Variants in TEX36 observed in about 807,000 individuals in gnomAD.
TEX36 encodes the protein testis expressed 36, also known as testis-expressed protein 36.
A neutral mutation model predicts 13.6 loss-of-function variants in TEX36; 12 were observed. That is an observed-to-expected ratio of 0.88 (90% CI 0.56 to 1.43). The LOEUF (loss-of-function observed/expected upper bound fraction) is 1.43, where lower values mean the gene tolerates loss of function less well. Among genes scored for constraint, TEX36 ranks in the 40% most tolerant of loss-of-function variants. The pLI is 0.00. For synonymous variants in TEX36, 93 were observed against 83.0 expected (o/e 1.12, Z -0.65); for missense variants, 224 against 228.3 (o/e 0.98, Z 0.12).
At chr10:125,660,781 A>G (rs1212347069) in intron 3 of TEX36, among the ~76,000 whole-genome samples, 1 of 152,226 alleles carries the variant, frequency 6.6e-6, no homozygotes, top group Non-Finnish European at 1.5e-5. Flanking sequence ...AGGCACTTGC[A>G]GAAGGATGAA....
At position 125,661,091 on chromosome 10, in the gene TEX36, T is replaced by C. The variant is rs12779893; in HGVS notation, c.194A>G (p.Asn65Ser). ...ATGCACGGAGAAGGGGAACTGGTTA[T>C]TCACTGCTTGCTGGAAAAGTGGGAT... ...IYKVREKQAV[N>S]NQFPFSVHDN... is the part of the protein sequence containing the mutation. Residue 65 changes from asparagine to serine, a missense_variant, in exon 3 of 4, where the codon AAT becomes AGT. Coordinates refer to ENST00000368821, the MANE Select transcript of TEX36 (RefSeq NM_001128202.3). 610 of 1,551,942 alleles carry C rather than the reference T, an allele frequency of 3.9e-4. 1 individual carries two copies. In the African/African-American group the frequency reaches 7.6e-3, roughly 19 times the overall value.
chr10:125,586,655 A>AAAAAAAAAAAAAT (rs1565167270), intron 3 of TEX36, among the ~76,000 whole-genome samples: 2 of 149,470 alleles, frequency 1.3e-5, no homozygotes. Flanking sequence ...AAAAAAAAAA[A>AAAAAAAAAAAAAT]AATTAGCCAG....
intron 3 of TEX36, among the ~76,000 whole-genome samples, chr10:125,636,901 T>TA (rs1846630312): frequency 6.6e-6 from 1 of 152,156 alleles, no homozygotes; most frequent in African/African-American, 2.4e-5. Context: ...AATGAACCCT[T>TA]ATACCCATTG....
rs531163953 is a variant in TEX36, at chr10:125,601,417, G to A, written c.265-24543C>T. 5.9e-5 allele frequency among the ~76,000 whole-genome samples: 9 copies of A among 152,354 alleles called. No individual in the cohort carries two copies. The South Asian group carries it at 1.5e-3, about 25-fold the overall frequency. On this transcript the variant is annotated intron_variant, in intron 3 of 3. Coordinates refer to the TEX36 transcript ENST00000532135. The stretch of plus-strand genomic sequence containing the variant: ...CTTTTAGCCATATAGCCCCAAAGGT[G>A]GTTAGCTAAGGAAACAGATGATTGC...
chr10:125,580,165 T>G (rs1442357079), intron 3 of TEX36, among the ~76,000 whole-genome samples: 1 of 152,210 alleles, frequency 6.6e-6, no homozygotes, highest in Non-Finnish European at 1.5e-5. Context: ...CTGCTTGGTT[T>G]TTACCACTAG....
At chr10:125,582,667 G>GGC (rs1845897424) in intron 3 of TEX36, among the ~76,000 whole-genome samples, 1 of 152,136 alleles carries the variant, frequency 6.6e-6, no homozygotes, top group Non-Finnish European at 1.5e-5. Flanking sequence ...TGTTCATTCA[G>GGC]ACAATCAATA....
intron 1 of TEX36, among the ~76,000 whole-genome samples, chr10:125,680,080 CT>C (rs777473633): frequency 1.3e-5 from 2 of 152,220 alleles, no homozygotes; most frequent in African/African-American, 4.8e-5. Context: ...CAACCTATAT[CT>C]TTCTCATTCA....
chr10:125,657,034 C>T (rs1046677180), intron 3 of TEX36, among the ~76,000 whole-genome samples: 2 of 151,870 alleles, frequency 1.3e-5, no homozygotes, highest in African/African-American at 4.8e-5. Context: ...CAGCACCTTA[C>T]GTGCGAACCT....
At chr10:125,593,571 C>T (rs965218015) in intron 3 of TEX36, among the ~76,000 whole-genome samples, 2 of 152,198 alleles carry the variant, frequency 1.3e-5, no homozygotes, top group Non-Finnish European at 2.9e-5. Context: ...CAAAGCATCA[C>T]ACAGTGTAAG....
rs777731829 is a variant in TEX36 at position 125,599,071 on chromosome 10, A to G, written c.265-22197T>C. ...TACCTGAAGAGTCACTCACTGAAAG[A>G]TGAAAAGGTACTTATCTTGGATTTT... On this transcript the variant is annotated intron_variant, in intron 3 of 3. Coordinates refer to the TEX36 transcript ENST00000532135. 7.2e-5 allele frequency among the ~76,000 whole-genome samples: 11 copies of G among 152,222 alleles called. 1 individual carries two copies. The highest frequency in any genetic ancestry group is 1.3e-4 in the Admixed American group (2 of 15,288).
intron 1 of TEX36, among the ~76,000 whole-genome samples, chr10:125,681,464 T>C (rs1847391703): frequency 6.6e-6 from 1 of 152,240 alleles, no homozygotes; most frequent in Admixed American, 6.5e-5. Flanking sequence ...CTTAGCTTTA[T>C]GGAGTTGACA....
At chr10:125,608,406 T>C (rs149122039) in intron 3 of TEX36, among the ~76,000 whole-genome samples, 13 of 152,166 alleles carry the variant, frequency 8.5e-5, no homozygotes, top group Non-Finnish European at 1.9e-4. Context: ...AACAAAAAAC[T>C]TTAAAGAATG....
At chr10:125,675,623 T>C (rs1847299347) in intron 1 of TEX36, among the ~76,000 whole-genome samples, 1 of 152,114 alleles carries the variant, frequency 6.6e-6, no homozygotes, top group African/African-American at 2.4e-5. Flanking sequence ...TCACCACCCT[T>C]CTTGGCTGGG....
chr10:125,600,384 T>A (rs537573394), intron 3 of TEX36, among the ~76,000 whole-genome samples: 1 of 152,036 alleles, frequency 6.6e-6, no homozygotes, highest in Admixed American at 6.5e-5. Context: ...GGTGGAAAGA[T>A]GTCACTAGAT....
chr10:125,656,249 C>CA, intron 3 of TEX36, 53 bp from the exon 4 acceptor site: 1 of 261,528 alleles, frequency 3.8e-6, no homozygotes, highest in Non-Finnish European at 5.8e-6. Context: ...TCACATAGTT[C>CA]TTTTTTTTTT....
intron 3 of TEX36, among the ~76,000 whole-genome samples, chr10:125,594,186 T>A (rs567969649): frequency 6.6e-6 from 1 of 152,316 alleles, no homozygotes; most frequent in African/African-American, 2.4e-5. Context: ...AATTTTAAAC[T>A]TCTGGTTTCT....
chr10:125,587,242 C>T (rs1265508530), intron 3 of TEX36, among the ~76,000 whole-genome samples: 1 of 152,202 alleles, frequency 6.6e-6, no homozygotes. Flanking sequence ...GTAGTCCCAG[C>T]TACTCAGAGG....
At chr10:125,613,820 G>A (rs1846323430) in intron 3 of TEX36, among the ~76,000 whole-genome samples, 1 of 152,098 alleles carries the variant, frequency 6.6e-6, no homozygotes, top group Non-Finnish European at 1.5e-5. Flanking sequence ...TGGGTCAAAT[G>A]GTATTTCTAG....
chr10:125,583,230 C>T (rs576370967), intron 3 of TEX36, among the ~76,000 whole-genome samples: 2 of 151,798 alleles, frequency 1.3e-5, no homozygotes, highest in South Asian at 4.2e-4. Context: ...GGAAGGCTGT[C>T]TTAGTTCATT....
Sources: gnomAD v4.1 joint callset for allele counts (sites outside exome capture counted in the v4.1 genomes callset) on GRCh38, gnomAD v4.1.1 for gene constraint, MANE v1.5 for transcripts, NCBI Gene and HGNC (gene_info 2026-07-23, HGNC 2026-07-21) for gene names.